RNLS: variants seen among roughly 807,000 people sequenced by gnomAD.
The protein encoded by RNLS is renalase, FAD dependent amine oxidase.
RNLS carries 39 observed loss-of-function variants against 39.8 expected under a neutral mutation model. The ratio of observed to expected loss-of-function variants is 0.98; its 90% CI spans 0.76 to 1.28. The LOEUF (loss-of-function observed/expected upper bound fraction) is 1.28, where lower values mean the gene tolerates loss of function less well. Ranked by LOEUF, RNLS falls within the 50% of genes most tolerant of loss-of-function variation. The pLI is 0.00. For missense variants in RNLS, 410 were observed against 413.3 expected (o/e 0.99, Z 0.07); for synonymous variants, 147 against 150.7 (o/e 0.98, Z 0.18).
intron 5 of RNLS, among the ~76,000 whole-genome samples, chr10:88,353,549 T>A (rs976500316): frequency 1.3e-5 from 2 of 152,208 alleles, no homozygotes; most frequent in South Asian, 2.1e-4. Flanking sequence ...CCTGAGTTCT[T>A]GTTTGATTGC....
intron 4 of RNLS, among the ~76,000 whole-genome samples, chr10:88,489,189 A>T (rs1440945266): frequency 3.9e-5 from 6 of 152,184 alleles, no homozygotes; most frequent in Non-Finnish European, 7.3e-5. Flanking sequence ...AAGGTTTCCA[A>T]TATTTTTGGT....
At chr10:88,497,943 GAA>G (rs57767791) in intron 4 of RNLS, among the ~76,000 whole-genome samples, 69,977 of 150,064 alleles carry the variant, frequency 0.47, 17,029 homozygotes, top group East Asian at 0.57. Flanking sequence ...TTATTGAAGA[GAA>G]AAAAAAAAAC....
At chr10:88,430,693 G>GT (rs1277117650) in intron 4 of RNLS, among the ~76,000 whole-genome samples, 2 of 151,740 alleles carry the variant, frequency 1.3e-5, no homozygotes, top group African/African-American at 2.4e-5. Context: ...TTTGCTAACA[G>GT]TTTTTATCAG....
At chr10:88,415,971 C>T (rs1564782211) in intron 4 of RNLS, among the ~76,000 whole-genome samples, 1 of 152,072 alleles carries the variant, frequency 6.6e-6, no homozygotes, top group Non-Finnish European at 1.5e-5. Flanking sequence ...CCTTCCTTGC[C>T]CTCCTTCCAC....
At chr10:88,192,967 G>A in the RNLS span, among the ~76,000 whole-genome samples, 1 of 152,168 alleles carries the variant, frequency 6.6e-6, no homozygotes, top group Non-Finnish European at 1.5e-5. Flanking sequence ...TGGTGAAAGA[G>A]CATGGACAAC....
chr10:88,177,570 G>A, the RNLS span, among the ~76,000 whole-genome samples: 1 of 151,930 alleles, frequency 6.6e-6, no homozygotes, highest in African/African-American at 2.4e-5. Context: ...TCATTTTCAG[G>A]CATTTCATAG....
chr10:88,455,372 C>A (rs2133913170), intron 4 of RNLS, among the ~76,000 whole-genome samples: 1 of 152,244 alleles, frequency 6.6e-6, no homozygotes, highest in East Asian at 1.9e-4. Flanking sequence ...GGAATTCTTC[C>A]TGTAATTACC....
At chr10:88,436,992 A>C (rs1174253086) in intron 4 of RNLS, among the ~76,000 whole-genome samples, 1 of 151,926 alleles carries the variant, frequency 6.6e-6, no homozygotes, top group East Asian at 1.9e-4. Context: ...TATTGATGAA[A>C]CACACAAATA....
At chr10:88,343,916 T>C (rs1848133331) in intron 5 of RNLS, 14 of 640,526 alleles carry the variant, frequency 2.2e-5, no homozygotes, top group Non-Finnish European at 2.7e-5. Flanking sequence ...CTCACTGGAG[T>C]TCTCCTTCCA....
chr10:88,566,919 T>C (rs1244279753), intron 4 of RNLS, among the ~76,000 whole-genome samples: 2 of 152,012 alleles, frequency 1.3e-5, no homozygotes, highest in African/African-American at 4.8e-5. Context: ...GATATATACT[T>C]ATGAAATTAC....
chr10:88,210,710 C>T, the RNLS span, among the ~76,000 whole-genome samples: 2 of 152,142 alleles, frequency 1.3e-5, no homozygotes, highest in African/African-American at 2.4e-5. Context: ...TGTTGCTACT[C>T]GAATTCCAGT....
chr10:88,312,612 A>G (rs951871211), intron 6 of RNLS, among the ~76,000 whole-genome samples: 1 of 152,178 alleles, frequency 6.6e-6, no homozygotes, highest in African/African-American at 2.4e-5. Flanking sequence ...AAGTTATTTC[A>G]TCTCTGTGAG....
intron 5 of RNLS, among the ~76,000 whole-genome samples, chr10:88,345,607 T>C (rs1564713622): frequency 6.6e-6 from 1 of 152,182 alleles, no homozygotes; most frequent in Non-Finnish European, 1.5e-5. Flanking sequence ...ATAATTTGTA[T>C]GTGACAACAA....
At chr10:88,354,008 T>C (rs571464991) in intron 5 of RNLS, among the ~76,000 whole-genome samples, 5 of 152,326 alleles carry the variant, frequency 3.3e-5, no homozygotes, top group South Asian at 2.1e-4. Context: ...TTAAAGTCTG[T>C]TTTATCAGAG....
chr10:88,176,181 T>C, the RNLS span, among the ~76,000 whole-genome samples: 1 of 152,074 alleles, frequency 6.6e-6, no homozygotes. Flanking sequence ...ATCTTTTTTT[T>C]TTTTTCTTTT....
At chr10:88,293,231 TG>T (rs1203122640) in intron 6 of RNLS, among the ~76,000 whole-genome samples, 2 of 152,204 alleles carry the variant, frequency 1.3e-5, no homozygotes, top group Non-Finnish European at 2.9e-5. Context: ...TCATTGCGTA[TG>T]TGAGGTATTG....
chr10:88,509,490 G>A (rs1417777793), intron 4 of RNLS, among the ~76,000 whole-genome samples: 2 of 139,748 alleles, frequency 1.4e-5, no homozygotes, highest in Admixed American at 7.3e-5. Context: ...GGGAGGAGAG[G>A]AGGAGGGGGA....
the RNLS span, among the ~76,000 whole-genome samples, chr10:88,197,730 C>T: frequency 2.1e-4 from 32 of 152,206 alleles, no homozygotes; most frequent in South Asian, 6.2e-3. Flanking sequence ...AAGGGTGGGG[C>T]CCTAATTCGA....
At chr10:88,486,561 A>G (rs1844537448) in intron 4 of RNLS, among the ~76,000 whole-genome samples, 1 of 152,150 alleles carries the variant, frequency 6.6e-6, no homozygotes, top group African/African-American at 2.4e-5. Flanking sequence ...ACATAAACAG[A>G]TACTTTTCAA....
Sources: allele counts gnomAD v4.1 joint callset (sites outside exome capture counted in the v4.1 genomes callset), GRCh38; gene constraint gnomAD v4.1.1; transcripts MANE v1.5; gene names NCBI Gene and HGNC (gene_info 2026-07-23, HGNC 2026-07-21).